CHRM5: variants seen among roughly 807,000 people sequenced by gnomAD.
CHRM5 encodes cholinergic receptor muscarinic 5.
CHRM5 carries 18 observed loss-of-function variants against 39.0 expected under a neutral mutation model. The ratio of observed to expected loss-of-function variants is 0.46; its 90% confidence interval spans 0.32 to 0.68. The LOEUF (loss-of-function observed/expected upper bound fraction) is 0.68. CHRM5 is among the 30% of genes least tolerant of loss of function. The probability of loss-of-function intolerance (pLI) is 0.04; values close to 1 mark genes in which losing one functional copy is unlikely to be tolerated. For synonymous variants in CHRM5, 241 were observed against 246.3 expected, an observed-to-expected ratio of 0.98 and a Z score of 0.20; for missense variants, 515 against 651.1, an observed-to-expected ratio of 0.79 and a Z score of 2.28.
chr15:33,987,645 G>T (rs1410471328), intron 1 of CHRM5, among the ~76,000 whole-genome samples: 1 of 152,232 alleles, frequency 6.6e-6, no homozygotes, highest in African/African-American at 2.4e-5. Context: ...GCTGCTGCCA[G>T]CTGCTTGGTC....
At chr15:33,974,959 C>T (rs1045731734) in intron 1 of CHRM5, among the ~76,000 whole-genome samples, 9 of 151,984 alleles carry the variant, frequency 5.9e-5, no homozygotes, top group South Asian at 2.1e-4. Context: ...GCAACAAGGG[C>T]GAAACTCTAT....
intron 1 of CHRM5, chr15:34,003,136 A>C: frequency 6.2e-7 from 1 of 1,613,860 alleles, no homozygotes; most frequent in Non-Finnish European, 8.5e-7. Flanking sequence ...GTTAGAGACA[A>C]TCTTTCTTTT....
intron 1 of CHRM5, among the ~76,000 whole-genome samples, chr15:34,005,409 C>T (rs1897300570): frequency 2.6e-5 from 4 of 151,518 alleles, no homozygotes; most frequent in Admixed American, 1.3e-4. Context: ...GGTCTGTTTG[C>T]TTCCTCATGG....
intron 1 of CHRM5, among the ~76,000 whole-genome samples, chr15:34,026,217 T>C (rs565706530): frequency 6.6e-6 from 1 of 152,322 alleles, no homozygotes; most frequent in African/African-American, 2.4e-5. Context: ...TATGACATCT[T>C]CCCAGTTTTA....
intron 2 of CHRM5, among the ~76,000 whole-genome samples, chr15:34,048,120 C>T (rs144545989): frequency 1.3e-5 from 2 of 152,338 alleles, no homozygotes; most frequent in Non-Finnish European, 2.9e-5. Flanking sequence ...AAGCAATCCA[C>T]TTGCCTCGGC....
At chr15:34,010,859 C>T (rs183246506) in intron 1 of CHRM5, among the ~76,000 whole-genome samples, 23 of 152,122 alleles carry the variant, frequency 1.5e-4, no homozygotes, top group African/African-American at 5.5e-4. Flanking sequence ...AGTTAATTGC[C>T]AACTTTTATA....
chr15:34,061,933 G>T (rs567240477), intron 2 of CHRM5, among the ~76,000 whole-genome samples: 2 of 152,138 alleles, frequency 1.3e-5, no homozygotes, highest in Non-Finnish European at 1.5e-5. Context: ...AGTGCATGAC[G>T]ATTTAGGTAT....
chr15:33,995,429 T>C (rs1015539192), intron 1 of CHRM5, among the ~76,000 whole-genome samples: 1 of 152,234 alleles, frequency 6.6e-6, no homozygotes, highest in African/African-American at 2.4e-5. Flanking sequence ...ATCTATACTT[T>C]TTGCATAGGT....
chr15:34,035,735 A>T (rs1284084832), intron 1 of CHRM5, among the ~76,000 whole-genome samples: 1 of 152,194 alleles, frequency 6.6e-6, no homozygotes, highest in African/African-American at 2.4e-5. Context: ...CATCACAAAG[A>T]TAAATACTAA....
chr15:33,985,382 T>C (rs1567449271), intron 1 of CHRM5, among the ~76,000 whole-genome samples: 1 of 150,840 alleles, frequency 6.6e-6, no homozygotes, highest in Non-Finnish European at 1.5e-5. Flanking sequence ...AGTGTTCCTT[T>C]GTTACCAGAA....
At chr15:34,059,757 A>G (rs970525817) in intron 2 of CHRM5, among the ~76,000 whole-genome samples, 3 of 151,926 alleles carry the variant, frequency 2.0e-5, no homozygotes, top group Non-Finnish European at 4.4e-5. Flanking sequence ...TCAAGTCTCG[A>G]CTCTTAGGTC....
intron 1 of CHRM5, among the ~76,000 whole-genome samples, chr15:34,002,250 C>T (rs749932857): frequency 5.3e-5 from 8 of 152,330 alleles, no homozygotes; most frequent in Middle Eastern, 6.8e-3. Context: ...TCTGCCACCG[C>T]AGTCAAGATA....
intron 1 of CHRM5, among the ~76,000 whole-genome samples, chr15:33,977,030 G>A (rs1438755539): frequency 6.6e-6 from 1 of 152,076 alleles, no homozygotes; most frequent in Non-Finnish European, 1.5e-5. Flanking sequence ...GGTCACAATG[G>A]CATGAATTAG....
At chr15:33,983,148 G>GTA (rs112045057) in intron 1 of CHRM5, among the ~76,000 whole-genome samples, 21,680 of 137,202 alleles carry the variant, frequency 0.16, 3,112 homozygotes, top group African/African-American at 0.39. Context: ...GTGTGTGTGT[G>GTA]TGTGTGTGTG....
At position 34,058,016 on chromosome 15, in the gene CHRM5, ATC is replaced by A. The variant is rs1900216846; in HGVS notation, c.-75-4625_-75-4624del. ...GATTGTAGGGGCTAGCAAATCTGAA[ATC>A]TGCAGGCAAGCTGGAAAATCCAGCA... On this transcript the variant is annotated intron_variant, in intron 2 of 2. Coordinates refer to ENST00000383263, the MANE Select transcript of CHRM5 (RefSeq NM_012125.4). Among the ~76,000 whole-genome samples, 6 of 152,304 alleles carry A rather than the reference ATC, an allele frequency of 3.9e-5. No individual in the cohort carries two copies. The South Asian group carries it at 1.2e-3, about 32-fold the overall frequency.
At chr15:34,022,386 C>G (rs568393997) in intron 1 of CHRM5, among the ~76,000 whole-genome samples, 1 of 152,298 alleles carries the variant, frequency 6.6e-6, no homozygotes, top group East Asian at 1.9e-4. Flanking sequence ...AGGAAGCTCT[C>G]CCAACATTAG....
chr15:34,003,842 C>T (rs545239382), intron 1 of CHRM5, among the ~76,000 whole-genome samples: 88 of 152,290 alleles, frequency 5.8e-4, no homozygotes, highest in African/African-American at 2.1e-3. Context: ...TTATTAACAA[C>T]TTGAGTTTGA....
intron 1 of CHRM5, among the ~76,000 whole-genome samples, chr15:34,027,909 C>T (rs534510936): frequency 6.6e-6 from 1 of 151,632 alleles, no homozygotes; most frequent in South Asian, 2.1e-4. Flanking sequence ...AGAACGTTGA[C>T]ATTACTGGGA....
At chr15:33,988,036 G>A (rs1408419284) in intron 1 of CHRM5, among the ~76,000 whole-genome samples, 1 of 152,186 alleles carries the variant, frequency 6.6e-6, no homozygotes, top group Non-Finnish European at 1.5e-5. Context: ...ACACAACTGG[G>A]AGCCTCACAG....
Sources: gnomAD v4.1 joint callset for allele counts (sites outside exome capture counted in the v4.1 genomes callset) on GRCh38, gnomAD v4.1.1 for gene constraint, MANE v1.5 for transcripts, NCBI Gene and HGNC (gene_info 2026-07-23, HGNC 2026-07-21) for gene names.